PTPN13: variants seen among roughly 807,000 people sequenced by gnomAD.
The protein encoded by PTPN13 is tyrosine-protein phosphatase non-receptor type 13.
Under a neutral mutation model 284.0 loss-of-function variants are expected in PTPN13, and 191 were observed. The observed-to-expected ratio is 0.67, with a 90% CI of 0.60 to 0.76. PTPN13 has a LOEUF of 0.76. Ranked by LOEUF, PTPN13 falls within the 30% of genes least tolerant of loss-of-function variation. PTPN13 has a pLI of 0.00. For missense variants in PTPN13, 2,797 were observed against 2,939.9 expected (o/e 0.95, Z 1.12); for synonymous variants, 986 against 1,022.3 (o/e 0.96, Z 0.68).
At position 86,751,036 on chromosome 4, in the gene PTPN13, T is replaced by A. The variant is rs1386297040; in HGVS notation, c.3078T>A (p.Ser1026=). 4 of 1,605,636 alleles carry A rather than the reference T, an allele frequency of 2.5e-6. No individual in the cohort carries two copies. The highest frequency in any genetic ancestry group is 3.4e-6 in the Non-Finnish European group (4 of 1,172,854). ...AGVTKLNNSK[S]VASLNRSPER... Reference sequence around the variant, plus strand: ...CCTTTTCCCTCTTCAGTTCAAAGTCTGTTGCGAGTTTAAATAGAAGTCCTG... The same window carrying A: ...CCTTTTCCCTCTTCAGTTCAAAGTCAGTTGCGAGTTTAAATAGAAGTCCTG... Residue 1026 remains serine (S), a synonymous_variant, in exon 19 of 48, where the codon TCT becomes TCA. Coordinates refer to ENST00000411767, the MANE Select transcript of PTPN13 (RefSeq NM_080683.3).
At chr4:86,716,844 T>G (rs1733082105) in intron 8 of PTPN13, among the ~76,000 whole-genome samples, 180 bp from the exon 9 acceptor site, 1 of 152,216 alleles carries the variant, frequency 6.6e-6, no homozygotes, top group Non-Finnish European at 1.5e-5. Context: ...GAGATAATAA[T>G]TCATTGTCTT....
intron 1 of PTPN13, among the ~76,000 whole-genome samples, chr4:86,630,385 C>T (rs1269637158): frequency 2.6e-5 from 4 of 152,044 alleles, no homozygotes; most frequent in Non-Finnish European, 5.9e-5. Flanking sequence ...AAATACAAGC[C>T]TCAACCATTT....
intron 1 of PTPN13, among the ~76,000 whole-genome samples, chr4:86,603,683 G>GA: frequency 6.6e-6 from 1 of 151,966 alleles, no homozygotes; most frequent in Non-Finnish European, 1.5e-5. Flanking sequence ...TATATAAAAT[G>GA]AGTCATTACA....
At chr4:86,799,617 A>G (rs1002832986) in intron 42 of PTPN13, among the ~76,000 whole-genome samples, 1 of 152,066 alleles carries the variant, frequency 6.6e-6, no homozygotes, top group Non-Finnish European at 1.5e-5. Context: ...GGCATGAACC[A>G]CCGCACCCAG....
chr4:86,685,764 A>G (rs1004820348), intron 3 of PTPN13, among the ~76,000 whole-genome samples: 2 of 152,236 alleles, frequency 1.3e-5, no homozygotes, highest in Non-Finnish European at 2.9e-5. Context: ...TCTTACATGT[A>G]CTTCTGGTAG....
intron 44 of PTPN13, 31 bp from the exon 45 acceptor site, chr4:86,807,529 A>T: frequency 6.6e-7 from 1 of 1,509,406 alleles, no homozygotes; most frequent in Non-Finnish European, 9.0e-7. Context: ...CATGATATGG[A>T]TGGCTCTGTT....
intron 1 of PTPN13, among the ~76,000 whole-genome samples, chr4:86,611,399 C>T (rs896518762): frequency 6.6e-6 from 1 of 152,110 alleles, no homozygotes; most frequent in African/African-American, 2.4e-5. Context: ...AGATTTGACC[C>T]TACTCTATCA....
chr4:86,625,024 A>T (rs755069866), intron 1 of PTPN13, among the ~76,000 whole-genome samples: 1 of 152,166 alleles, frequency 6.6e-6, no homozygotes, highest in Non-Finnish European at 1.5e-5. Context: ...GAATGAGGCC[A>T]TTAGACAAGA....
intron 7 of PTPN13, among the ~76,000 whole-genome samples, chr4:86,712,577 C>A (rs866963721): frequency 2.0e-5 from 3 of 152,012 alleles, no homozygotes; most frequent in Non-Finnish European, 4.4e-5. Context: ...GATACACCCA[C>A]CCCTACCCCA....
chr4:86,700,634 A>T (rs961841424), intron 6 of PTPN13, among the ~76,000 whole-genome samples: 3 of 152,192 alleles, frequency 2.0e-5, no homozygotes, highest in Non-Finnish European at 4.4e-5. Context: ...AGTTTCTTTC[A>T]TAACTTAAAC....
At chr4:86,774,714 TA>T (rs1565545708) in intron 33 of PTPN13, among the ~76,000 whole-genome samples, 183 bp downstream of exon 33, 7 of 149,878 alleles carry the variant, frequency 4.7e-5, no homozygotes, top group African/African-American at 1.7e-4. Context: ...TATATATATA[TA>T]TATATATTTT....
intron 22 of PTPN13, 32 bp from the exon 23 acceptor site, chr4:86,758,910 T>C (rs753449160): frequency 6.2e-7 from 1 of 1,600,278 alleles, no homozygotes; most frequent in South Asian, 1.1e-5. Context: ...GTATCTTTGT[T>C]GTTGAAAATA....
chr4:86,696,875 G>C (rs1730647833), intron 6 of PTPN13, among the ~76,000 whole-genome samples: 1 of 151,828 alleles, frequency 6.6e-6, no homozygotes, highest in Non-Finnish European at 1.5e-5. Flanking sequence ...GTCTTATTTG[G>C]ATCAAGTATA....
chr4:86,703,359 A>G (rs1731369174), intron 7 of PTPN13, among the ~76,000 whole-genome samples: 2 of 152,068 alleles, frequency 1.3e-5, no homozygotes. Context: ...CAGCTAGTAT[A>G]TGAACATTAA....
chr4:86,609,590 A>G (rs1765082220), intron 1 of PTPN13, among the ~76,000 whole-genome samples: 1 of 152,220 alleles, frequency 6.6e-6, no homozygotes, highest in African/African-American at 2.4e-5. Context: ...GAATTTATAC[A>G]AATAAAGTAT....
chr4:86,814,619 C>A lies in PTPN13; in HGVS notation c.*68C>A. ...CCTCCAGCAGACTCCTGCTCTCTAT[C>A]CAAAATAAAGATCACAGAGCAGCAA... On this transcript the variant is annotated 3_prime_UTR_variant, in exon 48 of 48. Coordinates refer to ENST00000411767, the MANE Select transcript of PTPN13 (RefSeq NM_080683.3). 7.7e-7 allele frequency: 1 copy of A among 1,295,122 alleles called. No individual in the cohort carries two copies. Among genetic ancestry groups the A allele is most frequent in the Non-Finnish European group, 1.1e-6 (1 of 907,426 alleles). 80.2% of individuals were successfully genotyped at this position (1,295,122 alleles called of 1,614,324 possible). A position where few individuals can be genotyped will look rare whatever the true frequency, so the allele number is the denominator to read the frequency against.
intron 19 of PTPN13, among the ~76,000 whole-genome samples, chr4:86,751,944 T>TGC (rs1272047444): frequency 3.3e-5 from 5 of 152,036 alleles, no homozygotes; most frequent in Non-Finnish European, 1.5e-5. Flanking sequence ...TGTGTGTGTG[T>TGC]GCATGCACAT....
At chr4:86,664,237 A>G (rs1726819940) in intron 2 of PTPN13, among the ~76,000 whole-genome samples, 1 of 152,240 alleles carries the variant, frequency 6.6e-6, no homozygotes, top group South Asian at 2.1e-4. Flanking sequence ...TCAGTATTCA[A>G]ATAAGCCAAG....
intron 19 of PTPN13, among the ~76,000 whole-genome samples, chr4:86,751,367 C>T (rs181018802): frequency 6.6e-6 from 1 of 152,256 alleles, no homozygotes; most frequent in East Asian, 1.9e-4. Context: ...TACTCTGTCA[C>T]CCAGTCTGGA....
Sources: allele counts gnomAD v4.1 joint callset (sites outside exome capture counted in the v4.1 genomes callset), GRCh38; gene constraint gnomAD v4.1.1; transcripts MANE v1.5; gene names NCBI Gene and HGNC (gene_info 2026-07-23, HGNC 2026-07-21).